The following SELENOK variants were observed in gnomAD, a reference collection of about 807,000 sequenced individuals.
SELENOK encodes selenoprotein K.
SELENOK carries 11 observed loss-of-function variants against 17.3 expected under a neutral mutation model. The ratio of observed to expected loss-of-function variants is 0.63; its 90% confidence interval spans 0.40 to 1.05. The LOEUF (loss-of-function observed/expected upper bound fraction) is 1.05, where lower values mean the gene tolerates loss of function less well. Ranked by LOEUF, SELENOK falls within the 50% of genes least tolerant of loss-of-function variation. SELENOK has a pLI of 0.00. For synonymous variants in SELENOK, 45 were observed against 35.4 expected, an observed-to-expected ratio of 1.27 and a Z score of -0.97; for missense variants, 125 against 113.9, an observed-to-expected ratio of 1.10 and a Z score of -0.44.
chr3:53,885,756 TAAAG>T, intron 4 of SELENOK, 66 bp downstream of exon 4: 1 of 1,345,760 alleles, frequency 7.4e-7, no homozygotes, highest in Non-Finnish European at 1.0e-6. Context: ...GGCAACTTCT[TAAAG>T]AAAACATTAC....
At position 53,885,907 on chromosome 3, in the gene SELENOK, G is replaced by T; in HGVS notation, c.200C>A (p.Pro67Gln). 6.6e-7 allele frequency: 1 copy of T among 1,520,052 alleles called. No individual in the cohort carries two copies. Among genetic ancestry groups the T allele is most frequent in the South Asian group, 1.3e-5 (1 of 77,842 alleles). 94.2% of individuals were successfully genotyped at this position (1,520,052 alleles called of 1,614,324 possible). ...DSRYDDGRGP[P>Q]GNPPRRMGRI... ...ACCCATTCTTCGGGGAGGGTTTCCTGGTGGCCTAATAAAATAAAAAGTTAG... is the reference window on the plus strand; with the variant it reads ...ACCCATTCTTCGGGGAGGGTTTCCTTGTGGCCTAATAAAATAAAAAGTTAG... The change falls in exon 4 of 5, where the codon CCA becomes CAA. Residue 67 changes from proline to glutamine, a missense_variant. By Grantham distance (76) the Pro-to-Gln change is moderately conservative. Transcript: ENST00000495461.
chr3:53,889,054 AAAC>A (rs1007755048), intron 1 of SELENOK, among the ~76,000 whole-genome samples: 1 of 152,072 alleles, frequency 6.6e-6, no homozygotes, highest in Non-Finnish European at 1.5e-5. Context: ...AAGAAAAAAA[AAAC>A]AAAAAACAAC....
At position 53,885,548 on chromosome 3, in the gene SELENOK, G is replaced by C; in HGVS notation, c.*10C>G. ...CGCATGTCCGGTTGTCTGCTTCTTA[G>C]AGCAGACATTTACCTGAAAGAAAAT... On this transcript the variant is annotated 3_prime_UTR_variant, in exon 5 of 5. Transcript: ENST00000495461. 6.2e-7 allele frequency: 1 copy of C among 1,609,914 alleles called. No homozygotes were observed. The highest frequency in any genetic ancestry group is 8.5e-7 in the Non-Finnish European group (1 of 1,178,350).
intron 2 of SELENOK, 72 bp downstream of exon 2, chr3:53,888,321 C>T (rs1700141215): frequency 3.2e-6 from 3 of 928,502 alleles, no homozygotes; most frequent in African/African-American, 3.3e-5. Flanking sequence ...ATTTAAGATC[C>T]CTAACATAAT....
Position 53,885,807 on chromosome 3 carries a change from A to G in SELENOK, c.281+19T>C, listed in dbSNP as rs2107087673. The G allele has an allele frequency of 6.4e-7, 1 of 1,558,002 alleles. No homozygotes were observed. The highest frequency in any genetic ancestry group is 8.7e-7 in the Non-Finnish European group (1 of 1,145,126). On this transcript the variant is annotated intron_variant, in intron 4 of 4. Coordinates refer to ENST00000495461, the MANE Select transcript of SELENOK (RefSeq NM_021237.5). ...TTTCAAAACAAAATCCTACAAAAGAATTTCAGATCTGAAGTTACCTTCCTC... is the reference window on the plus strand; with the variant it reads ...TTTCAAAACAAAATCCTACAAAAGAGTTTCAGATCTGAAGTTACCTTCCTC...
intron 1 of SELENOK, among the ~76,000 whole-genome samples, chr3:53,889,055 A>G (rs1267256866): frequency 6.6e-6 from 1 of 152,090 alleles, no homozygotes; most frequent in Middle Eastern, 3.2e-3. Flanking sequence ...AGAAAAAAAA[A>G]ACAAAAAACA....
intron 2 of SELENOK, among the ~76,000 whole-genome samples, chr3:53,887,762 A>T (rs752546704): frequency 9.9e-5 from 15 of 152,222 alleles, no homozygotes; most frequent in Admixed American, 3.3e-4. Context: ...GGTCTCCCAC[A>T]TCTTTGCATC....
intron 3 of SELENOK, among the ~76,000 whole-genome samples, chr3:53,886,163 C>G (rs1027296725): frequency 6.6e-6 from 1 of 152,164 alleles, no homozygotes; most frequent in Admixed American, 6.5e-5. Context: ...CCAGTAATGC[C>G]CCACTGAAAC....
intron 1 of SELENOK, among the ~76,000 whole-genome samples, 173 bp downstream of exon 1, chr3:53,891,597 C>A (rs978744030): frequency 2.6e-5 from 4 of 152,184 alleles, no homozygotes; most frequent in Middle Eastern, 3.2e-3. Context: ...GCTCAGAGAC[C>A]ATCGGCTGAC....
intron 1 of SELENOK, among the ~76,000 whole-genome samples, chr3:53,888,741 AC>A (rs1281171702): frequency 6.6e-6 from 1 of 152,094 alleles, no homozygotes; most frequent in Non-Finnish European, 1.5e-5. Flanking sequence ...ATTCTATTCA[AC>A]TACTTTCTCT....
chr3:53,889,269 C>T (rs952490070), intron 1 of SELENOK, among the ~76,000 whole-genome samples: 1 of 152,114 alleles, frequency 6.6e-6, no homozygotes, highest in Non-Finnish European at 1.5e-5. Context: ...CCCTGATTCC[C>T]ATTACCTTCT....
rs3733084 is a variant in SELENOK at position 53,891,146 on chromosome 3, A to G, written c.19+624T>C. On this transcript the variant is annotated intron_variant, in intron 1 of 4. Coordinates refer to ENST00000495461, the MANE Select transcript of SELENOK (RefSeq NM_021237.5). ...TGACTAGCTACCCTTTCCTGGGGAA[A>G]AAGCCTATGCAAAGCTTTCATCTAA... 1,100 of 152,334 alleles carry G rather than the reference A, an allele frequency of 7.2e-3. 47 individuals carry two copies. The East Asian group carries it at 0.11, about 15-fold the overall frequency. The allele number at this position is 152,334 out of a possible 1,614,324, so 9.4% of individuals were successfully genotyped here.
chr3:53,888,794 T>C (rs950280088), intron 1 of SELENOK, among the ~76,000 whole-genome samples: 8 of 152,162 alleles, frequency 5.3e-5, no homozygotes, highest in African/African-American at 1.9e-4. Flanking sequence ...CGGTGGCTCA[T>C]GCCTGTAATC....
At chr3:53,889,988 T>G (rs1006144742) in intron 1 of SELENOK, among the ~76,000 whole-genome samples, 3 of 152,240 alleles carry the variant, frequency 2.0e-5, no homozygotes, top group Non-Finnish European at 4.4e-5. Flanking sequence ...CAGAATATTT[T>G]CGGGGAAGAG....
intron 1 of SELENOK, chr3:53,890,970 C>G (rs1366941653): frequency 1.3e-5 from 2 of 152,250 alleles, no homozygotes; most frequent in East Asian, 3.8e-4. Flanking sequence ...TGATCTGACA[C>G]AGTCATGTCC....
At chr3:53,891,710 G>A in intron 1 of SELENOK, 60 bp downstream of exon 1, 1 of 1,605,054 alleles carries the variant, frequency 6.2e-7, no homozygotes, top group African/African-American at 1.3e-5. Flanking sequence ...GACGATGAAA[G>A]GAACCTGGAG....
At chr3:53,890,495 T>G (rs1429773036) in intron 1 of SELENOK, among the ~76,000 whole-genome samples, 1 of 152,246 alleles carries the variant, frequency 6.6e-6, no homozygotes, top group Non-Finnish European at 1.5e-5. Flanking sequence ...GTTTCTCAAC[T>G]TTTAAAGTAC....
intron 4 of SELENOK, 25 bp from the exon 5 acceptor site, chr3:53,885,586 A>C: frequency 6.2e-7 from 1 of 1,605,210 alleles, no homozygotes; most frequent in Middle Eastern, 1.7e-4. Context: ...TACAATAATT[A>C]GTTACTGGTT....
At chr3:53,890,561 G>C (rs764717152) in intron 1 of SELENOK, among the ~76,000 whole-genome samples, 1 of 152,204 alleles carries the variant, frequency 6.6e-6, no homozygotes, top group African/African-American at 2.4e-5. Flanking sequence ...TGCGAACACA[G>C]TAAGACACAA....
Sources: gnomAD v4.1 joint callset for allele counts (sites outside exome capture counted in the v4.1 genomes callset) on GRCh38, gnomAD v4.1.1 for gene constraint, MANE v1.5 for transcripts, NCBI Gene and HGNC (gene_info 2026-07-23, HGNC 2026-07-21) for gene names.